DSCAML1: variants seen among roughly 807,000 people sequenced by gnomAD.
DSCAML1 encodes the protein cell adhesion molecule DSCAML1.
Under a neutral mutation model 200.5 loss-of-function variants are expected in DSCAML1, and 38 were observed. The observed-to-expected ratio is 0.19, with a 90% CI of 0.15 to 0.25. The LOEUF is 0.25. DSCAML1 is among the 10% of genes least tolerant of loss of function. The pLI is 1.00. For missense variants in DSCAML1, 2,223 were observed against 2,858.8 expected (o/e 0.78, Z 5.07); for synonymous variants, 1,215 against 1,165.0 (o/e 1.04, Z -0.87).
intron 3 of DSCAML1, among the ~76,000 whole-genome samples, chr11:117,706,011 C>A (rs1199382781): frequency 6.6e-6 from 1 of 152,168 alleles, no homozygotes. Flanking sequence ...AGAATATAAG[C>A]CCATTCCATT....
At chr11:117,517,389 A>G (rs1362778641) in intron 7 of DSCAML1, among the ~76,000 whole-genome samples, 1 of 152,104 alleles carries the variant, frequency 6.6e-6, no homozygotes, top group Non-Finnish European at 1.5e-5. Context: ...GGGAGTTCAG[A>G]GGCTACCAAG....
At chr11:117,725,801 C>CACAAAACAAAACAAAACAAA (rs72442656) in intron 3 of DSCAML1, among the ~76,000 whole-genome samples, 8 of 147,776 alleles carry the variant, frequency 5.4e-5, no homozygotes, top group Non-Finnish European at 1.2e-4. Flanking sequence ...GGTTATGCTA[C>CACAAAACAAAACAAAACAAA]ACAAAACAAA....
At chr11:117,664,653 G>T (rs183539552) in intron 3 of DSCAML1, among the ~76,000 whole-genome samples, 3 of 152,350 alleles carry the variant, frequency 2.0e-5, no homozygotes, top group Non-Finnish European at 4.4e-5. Context: ...ACTCCACAAA[G>T]GGAGCTCCTC....
chr11:117,798,397 C>A (rs936054403), upstream of DSCAML1, among the ~76,000 whole-genome samples: 2 of 152,108 alleles, frequency 1.3e-5, no homozygotes, highest in Admixed American at 1.3e-4. Context: ...CAGGTTTTGC[C>A]AAAATATCCC....
At chr11:117,561,505 G>A (rs1233576079) in intron 3 of DSCAML1, among the ~76,000 whole-genome samples, 1 of 152,214 alleles carries the variant, frequency 6.6e-6, no homozygotes, top group Middle Eastern at 3.2e-3. Flanking sequence ...CTCCAGTCAT[G>A]TCTCCAAGCA....
At chr11:117,675,660 C>T (rs1393791254) in intron 3 of DSCAML1, among the ~76,000 whole-genome samples, 2 of 151,816 alleles carry the variant, frequency 1.3e-5, no homozygotes, top group South Asian at 2.1e-4. Context: ...TAAAGACAGG[C>T]CCGGCTGCGT....
rs1032315528 is a variant in DSCAML1 at position 117,780,632 on chromosome 11, G to T, written c.225C>A (p.His75Gln). 7 of 1,588,808 alleles carry T rather than the reference G, an allele frequency of 4.4e-6. No homozygotes were observed. Among genetic ancestry groups the T allele is most frequent in the Non-Finnish European group, 5.1e-6 (6 of 1,166,610 alleles). Residue 75 changes from histidine (H) to glutamine (Q), a missense_variant, in exon 2 of 33, where the codon CAC becomes CAA. By Grantham distance (24) the His-to-Gln change is conservative. Transcript: ENST00000651296. The surrounding 1 kb of genome is among the most constrained non-coding windows in gnomAD (Gnocchi z 4.8). ...GCTGCAGCGTCCCGTTGGCGTGGACGTGCCGGATGTGCGGCACGTCGTAGA... is the reference window on the plus strand; with the variant it reads ...GCTGCAGCGTCCCGTTGGCGTGGACTTGCCGGATGTGCGGCACGTCGTAGA... ...DDIYDVPHIR[H>Q]VHANGTLQLY...
At chr11:117,707,113 T>C (rs1000574624) in intron 3 of DSCAML1, among the ~76,000 whole-genome samples, 1 of 152,218 alleles carries the variant, frequency 6.6e-6, no homozygotes, top group Non-Finnish European at 1.5e-5. Flanking sequence ...CTACAAAGCC[T>C]GTCCTTTGTG....
At chr11:117,721,830 C>T (rs968767748) in intron 3 of DSCAML1, among the ~76,000 whole-genome samples, 5 of 143,762 alleles carry the variant, frequency 3.5e-5, no homozygotes, top group African/African-American at 7.8e-5. Context: ...TTTTTTGAGA[C>T]AGAGTCTCGC....
At chr11:117,599,741 T>C (rs1352133279) in intron 3 of DSCAML1, among the ~76,000 whole-genome samples, 1 of 152,202 alleles carries the variant, frequency 6.6e-6, no homozygotes, top group Admixed American at 6.5e-5. Flanking sequence ...GACCAGAGGA[T>C]GTCCAGCTGG....
At chr11:117,525,131 G>T in intron 4 of DSCAML1, 48 bp from the exon 5 acceptor site, 1 of 1,480,500 alleles carries the variant, frequency 6.8e-7, no homozygotes, top group South Asian at 1.3e-5. Flanking sequence ...TGGGTGGGAT[G>T]AAGTGGCGCT....
chr11:117,587,195 G>A (rs892271750), intron 3 of DSCAML1, among the ~76,000 whole-genome samples: 2 of 151,844 alleles, frequency 1.3e-5, no homozygotes, highest in African/African-American at 4.8e-5. Context: ...AACTGAAATA[G>A]CTGATACATG....
At chr11:117,675,519 G>C (rs1025129498) in intron 3 of DSCAML1, among the ~76,000 whole-genome samples, 2 of 93,192 alleles carry the variant, frequency 2.1e-5, no homozygotes, top group South Asian at 7.9e-4. Context: ...GTCTCACCAT[G>C]TTTCCCAGGT....
At chr11:117,721,720 CATATATCATATATAAAT>C (rs1026343044) in intron 3 of DSCAML1, among the ~76,000 whole-genome samples, 48 of 145,004 alleles carry the variant, frequency 3.3e-4, no homozygotes, top group African/African-American at 6.3e-4. Flanking sequence ...TAAAATATAT[CATATATCATATATAAAT>C]ATATATCATA....
At chr11:117,761,976 C>T (rs2054812237) in intron 3 of DSCAML1, among the ~76,000 whole-genome samples, 1 of 152,226 alleles carries the variant, frequency 6.6e-6, no homozygotes, top group African/African-American at 2.4e-5. Flanking sequence ...TCACACAGTG[C>T]CTGGCACATG....
chr11:117,470,357 C>T lies in DSCAML1; in HGVS notation c.2954-377G>A, dbSNP rs868446810. ...TTGGGAGGCCAAGGCGGGCGGATCA[C>T]GAGGTCAGGAGATCGAGACCATCCT... On this transcript the variant is annotated intron_variant, in intron 15 of 32. Transcript: ENST00000651296. 3.2e-4 allele frequency among the ~76,000 whole-genome samples: 49 copies of T among 152,286 alleles called. 1 individual carries two copies. The highest frequency in any genetic ancestry group is 3.4e-3 in the Middle Eastern group (1 of 294).
intron 1 of DSCAML1, among the ~76,000 whole-genome samples, chr11:117,817,098 T>G (rs2055817116): frequency 6.6e-6 from 1 of 152,212 alleles, no homozygotes; most frequent in African/African-American, 2.4e-5. Flanking sequence ...TGGGACTGGC[T>G]GCTGGCTCAC....
At chr11:117,496,883 C>T (rs995137484) in intron 11 of DSCAML1, among the ~76,000 whole-genome samples, 3 of 152,214 alleles carry the variant, frequency 2.0e-5, no homozygotes, top group Non-Finnish European at 4.4e-5. Flanking sequence ...GGAGACTGTT[C>T]TATTCGACCT....
intron 30 of DSCAML1, among the ~76,000 whole-genome samples, chr11:117,431,973 C>T (rs527618789): frequency 7.9e-5 from 12 of 152,294 alleles, no homozygotes; most frequent in African/African-American, 2.6e-4. Context: ...TTCCTTCCAC[C>T]TGGGGGAGAA....
Sources: gnomAD v4.1 joint callset for allele counts (sites outside exome capture counted in the v4.1 genomes callset) on GRCh38, gnomAD v4.1.1 for gene constraint, Gnocchi (gnomAD v3.1) non-coding constraint, MANE v1.5 for transcripts, NCBI Gene and HGNC (gene_info 2026-07-23, HGNC 2026-07-21) for gene names.